The following NTM variants were observed in gnomAD, a reference collection of about 807,000 sequenced individuals.
NTM encodes the protein IgLON family member 2.
Under a neutral mutation model 42.1 loss-of-function variants are expected in NTM, and 13 were observed. That is an observed-to-expected ratio of 0.31 (90% CI 0.20 to 0.49). NTM has a LOEUF of 0.49. NTM is among the 20% of genes least tolerant of loss of function. The pLI, the probability that NTM is intolerant of heterozygous loss-of-function variation, is 0.99. For missense variants in NTM, 373 were observed against 452.8 expected (o/e 0.82, Z 1.60); for synonymous variants, 187 against 179.2 (o/e 1.04, Z -0.35).
chr11:132,029,487 A>G (rs557637422), intron 2 of NTM, among the ~76,000 whole-genome samples: 2 of 152,082 alleles, frequency 1.3e-5, no homozygotes, highest in South Asian at 4.2e-4. Context: ...GATGGTTTCC[A>G]GCTTCATCCA....
chr11:131,802,176 A>G (rs2092173298), intron 1 of NTM, among the ~76,000 whole-genome samples: 1 of 152,226 alleles, frequency 6.6e-6, no homozygotes, highest in Non-Finnish European at 1.5e-5. Context: ...AATCATAGAC[A>G]TTTAATACAT....
rs540227499 is a variant in NTM, at chr11:131,685,687, A to T, written c.83-225877A>T. Among the ~76,000 whole-genome samples, 96 of 152,186 alleles carry T rather than the reference A, an allele frequency of 6.3e-4. 1 individual carries two copies. The highest frequency in any genetic ancestry group is 2.2e-3 in the African/African-American group (91 of 41,532). ...GCACACTCTCTCCTTACCTTTTTTT[A>T]AAAAAATCATTTTGCTTAAGGATTT... On this transcript the variant is annotated intron_variant, in intron 1 of 8. Coordinates refer to ENST00000683400, the MANE Select transcript of NTM (RefSeq NM_001352005.2).
At chr11:131,661,095 G>T (rs1227937926) in intron 1 of NTM, 2 of 1,260,904 alleles carry the variant, frequency 1.6e-6, no homozygotes, top group Non-Finnish European at 2.1e-6. Flanking sequence ...CTGGTGGGGG[G>T]GTCTTCCCCC....
chr11:132,283,915 G>A (rs1591732881), intron 4 of NTM, among the ~76,000 whole-genome samples: 1 of 152,184 alleles, frequency 6.6e-6, no homozygotes, highest in East Asian at 1.9e-4. Context: ...CACCCCAGGG[G>A]CTCTATCTCA....
At chr11:132,121,327 T>C (rs933869022) in intron 2 of NTM, among the ~76,000 whole-genome samples, 15 of 152,010 alleles carry the variant, frequency 9.9e-5, no homozygotes, top group Non-Finnish European at 8.8e-5. Context: ...AAGTAAAATA[T>C]AAAACAAAAT....
chr11:132,073,456 AG>A (rs1264057818), intron 2 of NTM, among the ~76,000 whole-genome samples: 1 of 152,166 alleles, frequency 6.6e-6, no homozygotes, highest in East Asian at 1.9e-4. Context: ...CCCCTGGTAA[AG>A]GTAACCTTTG....
At chr11:131,729,739 A>G (rs1390648950) in intron 1 of NTM, among the ~76,000 whole-genome samples, 3 of 152,190 alleles carry the variant, frequency 2.0e-5, no homozygotes, top group Non-Finnish European at 4.4e-5. Flanking sequence ...ATGTTGTAGC[A>G]TAAAAAGCAC....
intron 1 of NTM, among the ~76,000 whole-genome samples, chr11:131,553,296 T>G (rs1277875587): frequency 6.6e-6 from 1 of 152,194 alleles, no homozygotes; most frequent in African/African-American, 2.4e-5. Flanking sequence ...GCACTTTTGA[T>G]GTAGTGTATA....
chr11:131,559,410 A>G (rs932605916), intron 1 of NTM, among the ~76,000 whole-genome samples: 2 of 152,226 alleles, frequency 1.3e-5, no homozygotes, highest in East Asian at 1.9e-4. Context: ...TTTTAAGAAT[A>G]TGCTTTGCTT....
intron 3 of NTM, among the ~76,000 whole-genome samples, chr11:132,203,270 T>G (rs1028303555): frequency 6.6e-6 from 1 of 152,174 alleles, no homozygotes; most frequent in Non-Finnish European, 1.5e-5. Context: ...TTCGTATTGG[T>G]CTCTACAGGT....
chr11:131,856,848 C>A (rs74962214), intron 1 of NTM, among the ~76,000 whole-genome samples: 2 of 152,146 alleles, frequency 1.3e-5, no homozygotes, highest in African/African-American at 2.4e-5. Flanking sequence ...CAGGCAAGGA[C>A]GTTAAGGCCC....
chr11:131,565,444 C>T (rs536093909), intron 1 of NTM, among the ~76,000 whole-genome samples: 25 of 152,268 alleles, frequency 1.6e-4, no homozygotes, highest in African/African-American at 4.8e-4. Context: ...GCGGTGAGAG[C>T]GGGGTTGGTT....
intron 1 of NTM, among the ~76,000 whole-genome samples, chr11:131,820,584 G>C (rs541020808): frequency 6.6e-6 from 1 of 152,230 alleles, no homozygotes; most frequent in South Asian, 2.1e-4. Flanking sequence ...GTCTTTTCCT[G>C]ATCTGCTCTC....
chr11:131,858,011 G>T (rs1454289305), intron 1 of NTM, among the ~76,000 whole-genome samples: 1 of 146,662 alleles, frequency 6.8e-6, no homozygotes, highest in African/African-American at 2.6e-5. Context: ...CCCTCTCTCT[G>T]CCTACTCCAT....
At chr11:132,198,840 G>A (rs2080717269) in intron 3 of NTM, among the ~76,000 whole-genome samples, 1 of 152,284 alleles carries the variant, frequency 6.6e-6, no homozygotes, top group African/African-American at 2.4e-5. Context: ...TTCTGTGGGT[G>A]GACAGAGTTG....
chr11:132,139,747 CTGGGCCTTTATTGGATGCAGGCCTCA>C (rs1205323382), intron 2 of NTM, among the ~76,000 whole-genome samples: 2 of 152,126 alleles, frequency 1.3e-5, no homozygotes, highest in African/African-American at 4.8e-5. Context: ...TACTCACACA[CTGGGCCTTTATTGGATGCAGGCCTCA>C]TGGTCTTTTA....
chr11:131,469,734 G>A (rs1952249281), intron 1 of NTM, among the ~76,000 whole-genome samples: 1 of 152,172 alleles, frequency 6.6e-6, no homozygotes. Context: ...CATCTATAAA[G>A]TAGAAAAATG....
intron 1 of NTM, among the ~76,000 whole-genome samples, chr11:131,864,671 T>G (rs2046963317): frequency 6.6e-6 from 1 of 152,268 alleles, no homozygotes; most frequent in South Asian, 2.1e-4. Context: ...GAATGTTCGA[T>G]TTTGGTTTTG....
intron 1 of NTM, among the ~76,000 whole-genome samples, chr11:131,418,029 G>T (rs1256416511): frequency 6.6e-6 from 1 of 152,154 alleles, no homozygotes. Context: ...CAGACAACTG[G>T]CTGAACAGGA....
Sources: allele counts gnomAD v4.1 joint callset (sites outside exome capture counted in the v4.1 genomes callset), GRCh38; gene constraint gnomAD v4.1.1; transcripts MANE v1.5; gene names NCBI Gene and HGNC (gene_info 2026-07-23, HGNC 2026-07-21).